The following FSTL4 variants were observed in gnomAD, a reference collection of about 807,000 sequenced individuals.
FSTL4 encodes the protein follistatin like 4.
A neutral mutation model predicts 78.2 loss-of-function variants in FSTL4; 28 were observed. The observed-to-expected ratio is 0.36, with a 90% confidence interval of 0.27 to 0.49. The LOEUF (loss-of-function observed/expected upper bound fraction) is 0.49. Among genes scored for constraint, FSTL4 ranks in the 20% least tolerant of loss-of-function variants. FSTL4 has a pLI of 0.98. For synonymous variants in FSTL4, 422 were observed against 440.5 expected, an observed-to-expected ratio of 0.96 and a Z score of 0.53; for missense variants, 922 against 1,084.9, an observed-to-expected ratio of 0.85 and a Z score of 2.11.
At chr5:133,494,196 A>G (rs1469554160) in intron 3 of FSTL4, among the ~76,000 whole-genome samples, 1 of 152,234 alleles carries the variant, frequency 6.6e-6, no homozygotes, top group Non-Finnish European at 1.5e-5. Flanking sequence ...AATAACATGT[A>G]AACCACAGCA....
the FSTL4 span, among the ~76,000 whole-genome samples, chr5:133,681,202 A>G: frequency 6.6e-6 from 1 of 152,356 alleles, no homozygotes; most frequent in East Asian, 1.9e-4. Flanking sequence ...TCAGTTGTCC[A>G]GGGAGGGCAG....
chr5:133,723,857 C>A, the FSTL4 span, among the ~76,000 whole-genome samples: 1 of 152,192 alleles, frequency 6.6e-6, no homozygotes, highest in Non-Finnish European at 1.5e-5. Flanking sequence ...TCAGCTCATC[C>A]CTAAAAGTGC....
At chr5:133,740,484 G>A in the FSTL4 span, among the ~76,000 whole-genome samples, 11 of 152,294 alleles carry the variant, frequency 7.2e-5, no homozygotes, top group South Asian at 2.1e-4. Context: ...CGCAGGCCAC[G>A]TGTTGTTGAC....
the FSTL4 span, among the ~76,000 whole-genome samples, chr5:133,708,487 C>T: frequency 6.6e-6 from 1 of 152,202 alleles, no homozygotes; most frequent in Admixed American, 6.5e-5. Context: ...GGGCCTGAGT[C>T]ATGAACCAGA....
intron 2 of FSTL4, among the ~76,000 whole-genome samples, chr5:133,580,536 T>C (rs558982464): frequency 6.6e-6 from 1 of 152,280 alleles, no homozygotes; most frequent in East Asian, 1.9e-4. Context: ...GAATATCTCA[T>C]GCTAAGAAGT....
intron 3 of FSTL4, among the ~76,000 whole-genome samples, chr5:133,408,579 G>T (rs1756418953): frequency 6.6e-6 from 1 of 151,796 alleles, no homozygotes; most frequent in African/African-American, 2.4e-5. Context: ...GGGTGGAGCG[G>T]GGGCGGGGTG....
chr5:133,445,006 G>A (rs1165834508), intron 3 of FSTL4, among the ~76,000 whole-genome samples: 1 of 152,162 alleles, frequency 6.6e-6, no homozygotes, highest in Admixed American at 6.5e-5. Context: ...CAAGCTGGGC[G>A]CAGATGGAAA....
chr5:133,388,105 C>T (rs1755749311), intron 4 of FSTL4: 1 of 152,202 alleles, frequency 6.6e-6, no homozygotes, highest in Admixed American at 6.5e-5. Flanking sequence ...CATCATTTAC[C>T]CTTTGCAATT....
the FSTL4 span, among the ~76,000 whole-genome samples, chr5:133,710,724 TA>T: frequency 6.6e-6 from 1 of 152,208 alleles, no homozygotes; most frequent in Non-Finnish European, 1.5e-5. Flanking sequence ...GGTTGTTGTA[TA>T]AAACTAGTCA....
intron 6 of FSTL4, among the ~76,000 whole-genome samples, chr5:133,265,051 G>T (rs1264705882): frequency 1.3e-5 from 2 of 152,140 alleles, no homozygotes; most frequent in Non-Finnish European, 2.9e-5. Context: ...TCCCCTCTGT[G>T]CTGCTTCCAG....
Position 133,217,317 on chromosome 5 carries a change from A to G in FSTL4, c.1520T>C (p.Val507Ala). The G allele has an allele frequency of 1.9e-6, 3 of 1,614,102 alleles. No homozygotes were observed. Among genetic ancestry groups the G allele is most frequent in the Non-Finnish European group, 2.5e-6 (3 of 1,179,940 alleles). The change falls in exon 13 of 16, where the codon GTC becomes GCC. Residue 507 changes from valine (V) to alanine (A), a missense_variant. Val to Ala is a moderately conservative substitution (Grantham distance 64, BLOSUM62 0). Transcript: ENST00000265342. ...ATQPCQWVSA[V>A]NVRNRYIYVA... ...ATAGATGTACCGGTTCCGGACATTG[A>G]CTGCAGATACCCACTGGCAGGGCTG...
chr5:133,628,449 T>C, the FSTL4 span, among the ~76,000 whole-genome samples: 1 of 151,724 alleles, frequency 6.6e-6, no homozygotes. Flanking sequence ...AATCTCCACC[T>C]CCTAGGTTCA....
chr5:133,530,277 C>T (rs1215919092), intron 3 of FSTL4, among the ~76,000 whole-genome samples: 1 of 152,162 alleles, frequency 6.6e-6, no homozygotes, highest in Non-Finnish European at 1.5e-5. Context: ...AAGAGCACTG[C>T]GGCCCTGGAT....
intron 4 of FSTL4, among the ~76,000 whole-genome samples, chr5:133,378,932 T>C (rs1285939577): frequency 6.6e-6 from 1 of 152,102 alleles, no homozygotes; most frequent in Non-Finnish European, 1.5e-5. Flanking sequence ...AATAAACATA[T>C]TAAATGCTAA....
At chr5:133,639,199 C>A in the FSTL4 span, among the ~76,000 whole-genome samples, 1 of 152,094 alleles carries the variant, frequency 6.6e-6, no homozygotes, top group African/African-American at 2.4e-5. Flanking sequence ...GCAAACAACA[C>A]AGGAACAGAA....
chr5:133,726,507 A>C, the FSTL4 span, among the ~76,000 whole-genome samples: 5 of 152,166 alleles, frequency 3.3e-5, no homozygotes, highest in Admixed American at 6.6e-5. Context: ...AGAAGATGTT[A>C]CTGCTACTGA....
the FSTL4 span, among the ~76,000 whole-genome samples, chr5:133,776,061 T>C: frequency 1.3e-5 from 2 of 152,228 alleles, no homozygotes; most frequent in South Asian, 4.2e-4. Context: ...GGGCCATGCT[T>C]TTTCCCTGAC....
At chr5:133,307,175 C>G (rs1218992067) in intron 6 of FSTL4, among the ~76,000 whole-genome samples, 1 of 152,136 alleles carries the variant, frequency 6.6e-6, no homozygotes, top group African/African-American at 2.4e-5. Flanking sequence ...ACTCTGGAGT[C>G]CACACTCTTA....
At chr5:133,551,087 AACCTCC>A (rs1759683133) in intron 3 of FSTL4, among the ~76,000 whole-genome samples, 1 of 152,156 alleles carries the variant, frequency 6.6e-6, no homozygotes, top group Non-Finnish European at 1.5e-5. Context: ...GTTTCTAATA[AACCTCC>A]TGGGATTCAT....
Sources: gnomAD v4.1 joint callset for allele counts (sites outside exome capture counted in the v4.1 genomes callset) on GRCh38, gnomAD v4.1.1 for gene constraint, MANE v1.5 for transcripts, NCBI Gene and HGNC (gene_info 2026-07-23, HGNC 2026-07-21) for gene names.